The following ASH1L variants were observed in gnomAD, a reference collection of about 807,000 sequenced individuals.
The protein encoded by ASH1L is ASH1 like histone lysine methyltransferase.
Under a neutral mutation model 269.0 loss-of-function variants are expected in ASH1L, and 23 were observed. That is an observed-to-expected ratio of 0.09 (90% CI 0.06 to 0.12). The LOEUF is 0.12. ASH1L is among the 10% of genes least tolerant of loss of function. The pLI is 1.00. For missense variants in ASH1L, 2,912 were observed against 3,567.8 expected (o/e 0.82, Z 4.68); for synonymous variants, 1,187 against 1,253.5 (o/e 0.95, Z 1.12).
chr1:155,552,581 G>A (rs2148914127), intron 1 of ASH1L, among the ~76,000 whole-genome samples: 1 of 152,278 alleles, frequency 6.6e-6, no homozygotes, highest in South Asian at 2.1e-4. Flanking sequence ...GGGAGGCAGA[G>A]CTTGCAGTGA....
chr1:155,553,215 A>G (rs1671334938), intron 1 of ASH1L, among the ~76,000 whole-genome samples: 1 of 152,168 alleles, frequency 6.6e-6, no homozygotes, highest in Admixed American at 6.6e-5. Flanking sequence ...CTAATTATAC[A>G]TTTTTAGATC....
chr1:155,463,220 A>C (rs1252537388), intron 3 of ASH1L, among the ~76,000 whole-genome samples: 1 of 152,134 alleles, frequency 6.6e-6, no homozygotes, highest in African/African-American at 2.4e-5. Flanking sequence ...CCAAACCTAA[A>C]ACATAATGCA....
At chr1:155,415,414 A>G (rs1202339095) in intron 6 of ASH1L, among the ~76,000 whole-genome samples, 13 of 151,934 alleles carry the variant, frequency 8.6e-5, no homozygotes, top group Admixed American at 8.5e-4. Context: ...AAAGAAAAGA[A>G]AAGCATCATT....
intron 7 of ASH1L, among the ~76,000 whole-genome samples, chr1:155,387,624 T>C (rs1265526490): frequency 1.3e-5 from 2 of 152,222 alleles, no homozygotes; most frequent in African/African-American, 4.8e-5. Flanking sequence ...ATTTAGGTTC[T>C]TTTTTGGTTC....
At chr1:155,525,536 A>G (rs988185368) in intron 1 of ASH1L, among the ~76,000 whole-genome samples, 1 of 150,730 alleles carries the variant, frequency 6.6e-6, no homozygotes, top group African/African-American at 2.4e-5. Flanking sequence ...CATTTCTAAA[A>G]GCCAAAAAAA....
At chr1:155,523,186 T>A (rs1228205687) in intron 1 of ASH1L, among the ~76,000 whole-genome samples, 1 of 152,152 alleles carries the variant, frequency 6.6e-6, no homozygotes, top group Non-Finnish European at 1.5e-5. Context: ...CTGAGACTTT[T>A]CATTACAACA....
At chr1:155,537,884 T>C (rs945542196) in intron 1 of ASH1L, among the ~76,000 whole-genome samples, 3 of 152,172 alleles carry the variant, frequency 2.0e-5, no homozygotes, top group Non-Finnish European at 4.4e-5. Context: ...CTGCCACCTC[T>C]CTGGAAGCCA....
At chr1:155,389,164 C>T (rs1657696213) in intron 7 of ASH1L, among the ~76,000 whole-genome samples, 1 of 151,496 alleles carries the variant, frequency 6.6e-6, no homozygotes. Context: ...CACTATCACT[C>T]CTGGCTAATT....
intron 5 of ASH1L, among the ~76,000 whole-genome samples, chr1:155,437,448 G>C (rs1662194760): frequency 6.6e-6 from 1 of 152,112 alleles, no homozygotes; most frequent in Non-Finnish European, 1.5e-5. Context: ...ATTGAAAATA[G>C]CAAGTGTTGG....
intron 20 of ASH1L, among the ~76,000 whole-genome samples, chr1:155,347,182 T>C (rs777852728): frequency 2.6e-5 from 4 of 152,138 alleles, no homozygotes; most frequent in Non-Finnish European, 4.4e-5. Context: ...GCAGATCACT[T>C]GAGCTCAGGA....
intron 7 of ASH1L, among the ~76,000 whole-genome samples, chr1:155,388,966 C>T (rs1169558726): frequency 6.6e-6 from 1 of 151,936 alleles, no homozygotes; most frequent in East Asian, 1.9e-4. Context: ...TCCTCGGCCT[C>T]CCAAAGTGCT....
intron 1 of ASH1L, among the ~76,000 whole-genome samples, chr1:155,521,842 G>C (rs1162758958): frequency 2.0e-5 from 3 of 152,118 alleles, no homozygotes; most frequent in Non-Finnish European, 4.4e-5. Flanking sequence ...AAGCCATAGT[G>C]GTATGGTGCA....
chr1:155,537,495 C>G (rs1236728312), intron 1 of ASH1L, among the ~76,000 whole-genome samples: 1 of 152,138 alleles, frequency 6.6e-6, no homozygotes, highest in Non-Finnish European at 1.5e-5. Flanking sequence ...GTGATTAACT[C>G]TAAGACTGTA....
At chr1:155,484,478 ACT>A (rs1666160391) in intron 2 of ASH1L, among the ~76,000 whole-genome samples, 1 of 151,932 alleles carries the variant, frequency 6.6e-6, no homozygotes, top group Admixed American at 6.6e-5. Flanking sequence ...AAAGAGCAAG[ACT>A]CTGTCTCAAA....
intron 10 of ASH1L, among the ~76,000 whole-genome samples, chr1:155,376,510 G>T (rs370206441): frequency 6.6e-6 from 1 of 151,984 alleles, no homozygotes; most frequent in Non-Finnish European, 1.5e-5. Context: ...TTTCAGTGCC[G>T]TTTAAAATTA....
At chr1:155,417,594 G>C (rs150602686) in intron 5 of ASH1L, among the ~76,000 whole-genome samples, 2 of 152,260 alleles carry the variant, frequency 1.3e-5, no homozygotes, top group East Asian at 3.9e-4. Flanking sequence ...CAACAATAGG[G>C]GACATTAAAC....
intron 21 of ASH1L, among the ~76,000 whole-genome samples, chr1:155,345,225 G>GGCTAGAGT (rs1653165805): frequency 2.2e-5 from 3 of 139,054 alleles, no homozygotes; most frequent in Non-Finnish European, 4.6e-5. Context: ...CCGTCACCCG[G>GGCTAGAGT]GCTAGAGTGC....
rs200339201 is a variant in ASH1L at position 155,556,440 on chromosome 1, A to G, written c.-100+5713T>C. 8.0e-3 allele frequency among the ~76,000 whole-genome samples: 894 copies of G among 112,104 alleles called. 9 individuals are homozygous for G. Among genetic ancestry groups the G allele is most frequent in the African/African-American group, 0.027 (863 of 31,806 alleles). The allele number at this position is 112,104 out of a possible 152,430, so 73.5% of individuals were successfully genotyped here. A position where few individuals can be genotyped will look rare whatever the true frequency, so the allele number is the denominator to read the frequency against. Reference sequence around the variant, plus strand: ...TGTGTGTGTGTGTGTGTGTGTGTGTATGTGTATATATATATATTTTTTGAG... The same window carrying G: ...TGTGTGTGTGTGTGTGTGTGTGTGTGTGTGTATATATATATATTTTTTGAG... On this transcript the variant is annotated intron_variant, in intron 1 of 27. Transcript: ENST00000392403.
At chr1:155,459,677 A>G in intron 4 of ASH1L, 120 bp downstream of exon 4, 2 of 775,382 alleles carry the variant, frequency 2.6e-6, no homozygotes, top group South Asian at 1.7e-5. Flanking sequence ...TTTGAATGGA[A>G]AAATAAAATA....
Sources: allele counts gnomAD v4.1 joint callset (sites outside exome capture counted in the v4.1 genomes callset), GRCh38; gene constraint gnomAD v4.1.1; transcripts MANE v1.5; gene names NCBI Gene and HGNC (gene_info 2026-07-23, HGNC 2026-07-21).